The following LDB2 variants were observed in gnomAD, a reference collection of about 807,000 sequenced individuals.
LDB2 encodes the protein LIM domain binding 2.
A neutral mutation model predicts 44.3 loss-of-function variants in LDB2; 12 were observed. That is an observed-to-expected ratio of 0.27 (90% CI 0.17 to 0.44). The LOEUF is 0.44. Ranked by LOEUF, LDB2 falls within the 20% of genes least tolerant of loss-of-function variation. The pLI, the probability that LDB2 is intolerant of heterozygous loss-of-function variation, is 1.00. For synonymous variants in LDB2, 164 were observed against 174.8 expected, an observed-to-expected ratio of 0.94 and a Z score of 0.49; for missense variants, 344 against 473.5, an observed-to-expected ratio of 0.73 and a Z score of 2.54.
At chr4:16,743,643 C>T (rs1006494466) in intron 2 of LDB2, among the ~76,000 whole-genome samples, 1 of 152,054 alleles carries the variant, frequency 6.6e-6, no homozygotes, top group Non-Finnish European at 1.5e-5. Context: ...AGAGGGGACC[C>T]CCATGCCAGG....
intron 1 of LDB2, among the ~76,000 whole-genome samples, chr4:16,816,407 C>CTTTTTTTTTTTT (rs1171864969): frequency 9.1e-5 from 11 of 121,002 alleles, no homozygotes; most frequent in African/African-American, 1.6e-4. Context: ...CTTTTTCTTT[C>CTTTTTTTTTTTT]TTTTTTTTTT....
At chr4:16,752,020 A>G (rs1442489026) in intron 2 of LDB2, among the ~76,000 whole-genome samples, 1 of 152,162 alleles carries the variant, frequency 6.6e-6, no homozygotes, top group African/African-American at 2.4e-5. Flanking sequence ...CCATCTGGAA[A>G]CCATTTAATG....
intron 1 of LDB2, among the ~76,000 whole-genome samples, chr4:16,784,380 T>C (rs1773938353): frequency 6.6e-6 from 1 of 152,174 alleles, no homozygotes; most frequent in Non-Finnish European, 1.5e-5. Context: ...TAATTCCACC[T>C]TGAAAATTTA....
At chr4:16,672,832 T>TTTCTTCC (rs5856378) in intron 2 of LDB2, among the ~76,000 whole-genome samples, 6 of 147,832 alleles carry the variant, frequency 4.1e-5, no homozygotes, top group East Asian at 2.0e-4. Context: ...GCCTGCCTTC[T>TTTCTTCC]TTCCTTCCTT....
intron 2 of LDB2, among the ~76,000 whole-genome samples, chr4:16,602,989 A>C (rs1254750147): frequency 6.6e-6 from 1 of 152,208 alleles, no homozygotes; most frequent in Non-Finnish European, 1.5e-5. Context: ...AGAAGCTTAC[A>C]TGTAAACCTG....
intron 2 of LDB2, among the ~76,000 whole-genome samples, chr4:16,708,546 G>A (rs1042927137): frequency 8.5e-5 from 13 of 152,088 alleles, no homozygotes; most frequent in African/African-American, 3.1e-4. Context: ...ACCTTCCTCT[G>A]CAAATACGGC....
chr4:16,759,313 A>G (rs1767371770), intron 1 of LDB2, 53 bp from the exon 2 acceptor site: 1 of 1,298,142 alleles, frequency 7.7e-7, no homozygotes, highest in Non-Finnish European at 1.1e-6. Flanking sequence ...AATATCTCAA[A>G]GAGGAAGAGA....
intron 1 of LDB2, among the ~76,000 whole-genome samples, chr4:16,774,411 T>C: frequency 6.6e-6 from 1 of 152,210 alleles, no homozygotes; most frequent in Non-Finnish European, 1.5e-5. Context: ...TATTTTATTT[T>C]ACATTATGCC....
At chr4:16,572,862 TG>T (rs1407720767) in intron 5 of LDB2, among the ~76,000 whole-genome samples, 1 of 152,116 alleles carries the variant, frequency 6.6e-6, no homozygotes, top group Non-Finnish European at 1.5e-5. Context: ...TCCTCTCAGA[TG>T]GGGCCTTTCT....
chr4:16,594,453 TCTGC>T (rs986853178), intron 3 of LDB2, among the ~76,000 whole-genome samples: 1 of 152,184 alleles, frequency 6.6e-6, no homozygotes, highest in African/African-American at 2.4e-5. Context: ...AACTCTCCTC[TCTGC>T]CTGTTAGAAC....
intron 1 of LDB2, among the ~76,000 whole-genome samples, chr4:16,759,732 T>C (rs1363480744): frequency 6.6e-6 from 1 of 152,164 alleles, no homozygotes; most frequent in Non-Finnish European, 1.5e-5. Context: ...TATACACAAA[T>C]ATCCCTATAA....
chr4:16,689,290 T>G (rs1490975738), intron 2 of LDB2, among the ~76,000 whole-genome samples: 1 of 152,212 alleles, frequency 6.6e-6, no homozygotes, highest in Non-Finnish European at 1.5e-5. Flanking sequence ...CCCAATTTTC[T>G]GCCAGTTCCT....
intron 2 of LDB2, among the ~76,000 whole-genome samples, chr4:16,616,758 T>C (rs1727456200): frequency 6.6e-6 from 1 of 152,160 alleles, no homozygotes; most frequent in Non-Finnish European, 1.5e-5. Flanking sequence ...GACATAGAGC[T>C]TGGCTGCCTC....
intron 5 of LDB2, among the ~76,000 whole-genome samples, chr4:16,532,327 A>G (rs1304986488): frequency 6.6e-6 from 1 of 152,152 alleles, no homozygotes; most frequent in African/African-American, 2.4e-5. Context: ...CTATTTTTAG[A>G]CTGAATTGTA....
At chr4:16,701,939 T>C (rs1388424975) in intron 2 of LDB2, among the ~76,000 whole-genome samples, 4 of 152,216 alleles carry the variant, frequency 2.6e-5, no homozygotes, top group Non-Finnish European at 4.4e-5. Flanking sequence ...TCACTATTAC[T>C]ATTGTTATTG....
intron 5 of LDB2, among the ~76,000 whole-genome samples, chr4:16,578,608 A>G (rs1373707699): frequency 6.6e-6 from 1 of 152,230 alleles, no homozygotes; most frequent in Admixed American, 6.5e-5. Context: ...ATAGGTAGGA[A>G]TGTAAATTAG....
chr4:16,542,255 C>G (rs148724405), intron 5 of LDB2, among the ~76,000 whole-genome samples: 1 of 151,916 alleles, frequency 6.6e-6, no homozygotes, highest in African/African-American at 2.4e-5. Context: ...GGCCCCAGCC[C>G]GCAAAGCCTC....
intron 1 of LDB2, among the ~76,000 whole-genome samples, chr4:16,805,748 G>A (rs1289006610): frequency 6.6e-6 from 1 of 152,226 alleles, no homozygotes; most frequent in East Asian, 1.9e-4. Flanking sequence ...ACTGCATGTA[G>A]AATCAACTAG....
At chr4:16,655,703 T>C (rs1739587251) in intron 2 of LDB2, among the ~76,000 whole-genome samples, 1 of 152,058 alleles carries the variant, frequency 6.6e-6, no homozygotes, top group South Asian at 2.1e-4. Flanking sequence ...TAGCCCCTCC[T>C]CGATGCCACA....
Sources: allele counts gnomAD v4.1 joint callset (sites outside exome capture counted in the v4.1 genomes callset), GRCh38; gene constraint gnomAD v4.1.1; transcripts MANE v1.5; gene names NCBI Gene and HGNC (gene_info 2026-07-23, HGNC 2026-07-21).